The following LHX4 variants were observed in gnomAD, a reference collection of about 807,000 sequenced individuals.
LHX4 encodes the protein LIM homeobox 4.
Under a neutral mutation model 39.2 loss-of-function variants are expected in LHX4, and 16 were observed. The ratio of observed to expected loss-of-function variants is 0.41; its 90% confidence interval spans 0.28 to 0.62. LHX4 has a LOEUF of 0.62. Among genes scored for constraint, LHX4 ranks in the 20% least tolerant of loss-of-function variants. The pLI is 0.33. For missense variants in LHX4, 439 were observed against 511.9 expected (o/e 0.86, Z 1.37); for synonymous variants, 206 against 198.1 (o/e 1.04, Z -0.33).
At chr1:180,244,691 G>A (rs1382925903) in intron 1 of LHX4, among the ~76,000 whole-genome samples, 6 of 152,234 alleles carry the variant, frequency 3.9e-5, no homozygotes, top group Non-Finnish European at 4.4e-5. Context: ...CAACAATTAG[G>A]TAGGAATCTG....
At chr1:180,229,859 G>A (rs1376810441), upstream of LHX4, among the ~76,000 whole-genome samples, 3 of 151,314 alleles carry the variant, frequency 2.0e-5, no homozygotes, top group South Asian at 2.1e-4. Flanking sequence ...CAAACCCAGG[G>A]CGCCGCCGTC....
chr1:180,230,443 AATT>A lies in LHX4; in HGVS notation c.-80_-78del. The A allele has an allele frequency of 2.5e-6, 3 of 1,178,494 alleles. No homozygotes were observed. The South Asian group carries it at 3.9e-5, about 15-fold the overall frequency. The allele number at this position is 1,178,494 out of a possible 1,614,324, so 73.0% of individuals were successfully genotyped here. ...ACTCCAGCGGCCTGCTTGGGGTTTT[AATT>A]ATTATTTTGAAATTTCTGAATCGAG... On this transcript the variant is annotated 5_prime_UTR_variant, in exon 1 of 6. Coordinates refer to ENST00000263726, the MANE Select transcript of LHX4 (RefSeq NM_033343.4). This position sits in a 1 kb window ranked among gnomAD's most constrained non-coding sequence, Gnocchi z 5.8.
intron 2 of LHX4, among the ~76,000 whole-genome samples, chr1:180,249,159 T>A (rs1277258433): frequency 2.6e-5 from 4 of 152,240 alleles, no homozygotes. Context: ...AGTCCCTACC[T>A]CATGAGGTTT....
At chr1:180,270,292 G>A (rs1648567272) in intron 3 of LHX4, 1 of 152,296 alleles carries the variant, frequency 6.6e-6, no homozygotes, top group Non-Finnish European at 1.5e-5. Flanking sequence ...TGAATGGAAA[G>A]AAAGGAGAAA....
At chr1:180,264,365 TACACACACACATAACACAC>T (rs1266211887) in intron 2 of LHX4, among the ~76,000 whole-genome samples, 1 of 109,620 alleles carries the variant, frequency 9.1e-6, no homozygotes, top group Non-Finnish European at 1.9e-5. Context: ...TTCTCTGTTA[TACACACACACATAACACAC>T]ACACACACAC....
intron 2 of LHX4, among the ~76,000 whole-genome samples, chr1:180,255,737 C>T (rs1284740805): frequency 6.6e-6 from 1 of 152,228 alleles, no homozygotes. Flanking sequence ...TGTCTGCCCG[C>T]CCCAGAGCGT....
rs957270507 is a variant in LHX4 at position 180,266,125 on chromosome 1, A to G, written c.249-267A>G. ...TGATGGGTGTTAATCGGGCAGCTGG[A>G]ATCCGGGGGCATCAGCTTTGGAAAA... is the stretch of plus-strand genomic sequence containing the variant. On this transcript the variant is annotated intron_variant, in intron 2 of 5. Transcript: ENST00000263726. This position sits in a 1 kb window ranked among gnomAD's most constrained non-coding sequence, Gnocchi z 5.7. Among the ~76,000 whole-genome samples the G allele has an allele frequency of 6.6e-6, 1 of 152,182 alleles. No homozygotes were observed. The highest frequency in any genetic ancestry group is 1.5e-5 in the Non-Finnish European group (1 of 68,034).
chr1:180,239,049 T>G (rs185660968), intron 1 of LHX4, among the ~76,000 whole-genome samples: 150 of 152,342 alleles, frequency 9.8e-4, no homozygotes, highest in African/African-American at 3.5e-3. Flanking sequence ...TTTGAAATAT[T>G]TATCCAGTAA....
chr1:180,249,611 G>T (rs1301849935), intron 2 of LHX4, among the ~76,000 whole-genome samples: 1 of 152,234 alleles, frequency 6.6e-6, no homozygotes, highest in Non-Finnish European at 1.5e-5. Flanking sequence ...TTCGGAAGAT[G>T]GGGGTTGAGG....
In LHX4 at chr1:180,230,607, T is replaced by C. The variant is rs1437226446; in HGVS notation, c.76+2T>C. ...AGATGCTAGGTGTGCCGATGCAACG[T>C]AAGACACCCCCCTTTCTCGCTGATT... On this transcript the variant is annotated splice_donor_variant, in intron 1 of 5. Transcript: ENST00000263726. LOFTEE classifies it high-confidence loss of function. The surrounding 1 kb of genome is among the most constrained non-coding windows in gnomAD (Gnocchi z 5.8). The C allele has an allele frequency of 6.2e-7, 1 of 1,612,388 alleles. No homozygotes were observed. Among genetic ancestry groups the C allele is most frequent in the Admixed American group, 1.7e-5 (1 of 60,002 alleles).
intron 2 of LHX4, among the ~76,000 whole-genome samples, chr1:180,249,698 GA>G (rs1458608914): frequency 6.6e-6 from 1 of 152,232 alleles, no homozygotes; most frequent in Non-Finnish European, 1.5e-5. Flanking sequence ...TTTCACTATG[GA>G]GAATAAGTGA....
In LHX4 at chr1:180,276,307, C is replaced by T. The variant is rs1188273964; in HGVS notation, c.*1728C>T. 6.6e-6 allele frequency: 1 copy of T among 151,118 alleles called. No homozygotes were observed. The highest frequency in any genetic ancestry group is 2.4e-5 in the African/African-American group (1 of 41,048). 9.4% of individuals were successfully genotyped at this position (151,118 alleles called of 1,614,324 possible). ...CACAGTTCCTCTTGGACTGCTACAT[C>T]TTTTGTAAGCCCTTTTCCAGGACTA... On this transcript the variant is annotated 3_prime_UTR_variant, in exon 6 of 6. Coordinates refer to ENST00000263726, the MANE Select transcript of LHX4 (RefSeq NM_033343.4).
chr1:180,229,429 G>A (rs1664106635), upstream of LHX4, among the ~76,000 whole-genome samples: 1 of 152,102 alleles, frequency 6.6e-6, no homozygotes, highest in Admixed American at 6.5e-5. Context: ...CGCGCGCGGG[G>A]GGCCTGCGTC....
chr1:180,251,212 C>A (rs1055169731), intron 2 of LHX4, among the ~76,000 whole-genome samples: 1 of 152,240 alleles, frequency 6.6e-6, no homozygotes, highest in Non-Finnish European at 1.5e-5. Flanking sequence ...TGCCGGCGCT[C>A]CCTTCCAGTC....
At chr1:180,273,296 G>A (rs1190212645) in intron 5 of LHX4, 1 of 152,348 alleles carries the variant, frequency 6.6e-6, no homozygotes, top group Non-Finnish European at 1.5e-5. Flanking sequence ...AGAACACAGG[G>A]CCCGTGAGGC....
chr1:180,248,142 G>C (rs908433134), intron 1 of LHX4, 143 bp from the exon 2 acceptor site: 2 of 778,616 alleles, frequency 2.6e-6, no homozygotes, highest in Non-Finnish European at 4.5e-6. Flanking sequence ...TGTATAACCT[G>C]TACAACTATA....
chr1:180,244,013 G>A (rs1179485974), intron 1 of LHX4, among the ~76,000 whole-genome samples: 2 of 152,168 alleles, frequency 1.3e-5, no homozygotes, highest in African/African-American at 2.4e-5. Context: ...CTCCCCCACC[G>A]TCAGCCTTGG....
chr1:180,236,672 G>A (rs1664327909), intron 1 of LHX4, among the ~76,000 whole-genome samples: 3 of 152,172 alleles, frequency 2.0e-5, no homozygotes, highest in Admixed American at 2.0e-4. Context: ...GAAGAGTTGT[G>A]GATGGGGGGC....
rs1187486267 is a variant in LHX4, at chr1:180,276,991, CAGTG to C, written c.*2415_*2418del. The C allele has an allele frequency of 3.9e-5, 6 of 152,198 alleles. No homozygotes were observed. The highest frequency in any genetic ancestry group is 1.2e-4 in the African/African-American group (5 of 41,430). The allele number at this position is 152,198 out of a possible 1,614,324, so 9.4% of individuals were successfully genotyped here. A position where few individuals can be genotyped will look rare whatever the true frequency, so the allele number is the denominator to read the frequency against. ...AATATAATAAATCTCTTGAGGAACT[CAGTG>C]AGCAGTTGACGAGGTCAATAGTTCT... is the stretch of plus-strand genomic sequence containing the variant. On this transcript the variant is annotated 3_prime_UTR_variant, in exon 6 of 6. Transcript: ENST00000263726.
Sources: gnomAD v4.1 joint callset for allele counts (sites outside exome capture counted in the v4.1 genomes callset) on GRCh38, gnomAD v4.1.1 for gene constraint, Gnocchi (gnomAD v3.1) non-coding constraint, MANE v1.5 for transcripts, NCBI Gene and HGNC (gene_info 2026-07-23, HGNC 2026-07-21) for gene names.